The following ZNF233 variants were observed in gnomAD, a reference collection of about 807,000 sequenced individuals.
The protein encoded by ZNF233 is zinc finger protein 233.
ZNF233 carries 7 observed loss-of-function variants against 11.6 expected under a neutral mutation model. The ratio of observed to expected loss-of-function variants is 0.60; its 90% confidence interval spans 0.34 to 1.13. The LOEUF (loss-of-function observed/expected upper bound fraction) is 1.13, where lower values mean the gene tolerates loss of function less well. Ranked by LOEUF, ZNF233 falls within the 50% of genes most tolerant of loss-of-function variation. The pLI is 0.03. For missense variants in ZNF233, 711 were observed against 785.5 expected (o/e 0.91, Z 1.13); for synonymous variants, 226 against 268.5 (o/e 0.84, Z 1.55).
rs771789509 is a variant in ZNF233 at position 44,266,959 on chromosome 19, C to T, written c.236C>T (p.Ser79Leu). 1 of 1,612,196 alleles carries T rather than the reference C, an allele frequency of 6.2e-7. No individual in the cohort carries two copies. The highest frequency in any genetic ancestry group is 1.7e-5 in the Admixed American group (1 of 59,896). The change falls in exon 4 of 5, where the codon TCA becomes TTA. Residue 79 changes from serine (S) to leucine (L), a missense_variant and splice_region_variant. Coordinates refer to ENST00000683810, the MANE Select transcript of ZNF233 (RefSeq NM_001207005.2). ...ACAGAAATCCAAGGAGATGGGTGTT[C>T]AGGTGAGAACCATGGAGCTCTGAGT... ...METEIQGDGC[S>L]GHKNQNEIDT...
At chr19:44,263,020 G>A (rs566933828) in intron 1 of ZNF233, among the ~76,000 whole-genome samples, 1 of 152,230 alleles carries the variant, frequency 6.6e-6, no homozygotes, top group South Asian at 2.1e-4. Flanking sequence ...CCAGCTCTGT[G>A]ACCTTGGGCA....
intron 4 of ZNF233, 147 bp downstream of exon 4, chr19:44,267,108 A>C: frequency 1.8e-6 from 1 of 548,542 alleles, no homozygotes; most frequent in East Asian, 2.9e-5. Context: ...TCCTCCTTCT[A>C]CCTCCCTCCA....
At position 44,274,239 on chromosome 19, in the gene ZNF233, C is replaced by A; in HGVS notation, c.1579C>A (p.Gln527Lys). The A allele has an allele frequency of 6.2e-7, 1 of 1,609,786 alleles. No individual in the cohort carries two copies. Among genetic ancestry groups the A allele is most frequent in the Non-Finnish European group, 8.5e-7 (1 of 1,176,460 alleles). ...FSQISHLQAH[Q>K]RVHKGEKPYK... ...TCAGATCTCTCATCTTCAGGCCCATCAGAGAGTTCACAAAGGAGAGAAGCC... is the reference window on the plus strand; with the variant it reads ...TCAGATCTCTCATCTTCAGGCCCATAAGAGAGTTCACAAAGGAGAGAAGCC... Residue 527 changes from glutamine (Q) to lysine (K), a missense_variant, in exon 5 of 5, where the codon CAG becomes AAG. Physicochemically the swap from Gln to Lys is moderately conservative, Grantham distance 53 (BLOSUM62 1). Transcript: ENST00000683810.
intron 1 of ZNF233, 39 bp from the exon 2 acceptor site, chr19:44,264,275 C>T (rs773518637): frequency 7.3e-7 from 1 of 1,369,980 alleles, no homozygotes; most frequent in Non-Finnish European, 1.0e-6. Flanking sequence ...GCCATGTGGG[C>T]TAGGGCCTGT....
rs188050432 is a variant in ZNF233, at chr19:44,274,336, C to T, written c.1676C>T (p.Thr559Ile). 10 of 1,613,882 alleles carry T rather than the reference C, an allele frequency of 6.2e-6. No homozygotes were observed. In the Admixed American group the frequency reaches 1.7e-4, roughly 27 times the overall value. ...SHLQDHQQVH[T>I]GENPYKCDVC... ...CTCCAAGACCATCAGCAAGTCCATA[C>T]TGGAGAGAATCCCTACAAATGTGAT... is the stretch of plus-strand genomic sequence containing the variant. Residue 559 changes from threonine to isoleucine, a missense_variant, in exon 5 of 5, where the codon ACT becomes ATT. Transcript: ENST00000683810.
Position 44,274,674 on chromosome 19 carries a change from T to C in ZNF233, c.*1T>C, listed in dbSNP as rs745608564. ...TTCAGATTCATCAGAGAGTCCATGA[T>C]GGTGATGAATCTATTAATCATGATG... On this transcript the variant is annotated 3_prime_UTR_variant, in exon 5 of 5. Transcript: ENST00000683810. 5.1e-6 allele frequency: 8 copies of C among 1,582,648 alleles called. No homozygotes were observed. In the South Asian group the frequency reaches 9.3e-5, roughly 18 times the overall value.
Position 44,273,033 on chromosome 19 carries a change from A to C in ZNF233, c.373A>C (p.Asn125His), listed in dbSNP as rs1314295684. 6.2e-7 allele frequency: 1 copy of C among 1,614,136 alleles called. No individual in the cohort carries two copies. Among genetic ancestry groups the C allele is most frequent in the East Asian group, 2.2e-5 (1 of 44,866 alleles). The change falls in exon 5 of 5, where the codon AAT becomes CAT. Residue 125 changes from asparagine to histidine, a missense_variant. Physicochemically the swap from Asn to His is moderately conservative, Grantham distance 68. Transcript: ENST00000683810. Reference protein sequence around the residue: ...KLTSNQDLIINLQGKRSKLLK... With the variant: ...KLTSNQDLIIHLQGKRSKLLK... ...AACCAGTAATCAAGACCTAATAATAAATCTTCAAGGCAAGAGGTCCAAGTT... is the reference window on the plus strand; with the variant it reads ...AACCAGTAATCAAGACCTAATAATACATCTTCAAGGCAAGAGGTCCAAGTT...
rs1203633210 is a variant in ZNF233 at position 44,273,432 on chromosome 19, C to G, written c.772C>G (p.Gln258Glu). Reference protein sequence around the residue: ...SQHSIIQSGEQTSDENGKGLS... With the variant: ...SQHSIIQSGEETSDENGKGLS... Reference sequence around the variant, plus strand: ...GCATAGCATAATCCAATCAGGAGAGCAAACCTCTGATGAAAATGGAAAAGG... The same window carrying G: ...GCATAGCATAATCCAATCAGGAGAGGAAACCTCTGATGAAAATGGAAAAGG... Residue 258 changes from glutamine to glutamate, a missense_variant, in exon 5 of 5, where the codon CAA becomes GAA. Physicochemically the swap from Gln to Glu is conservative, Grantham distance 29 (BLOSUM62 2). Coordinates refer to ENST00000683810, the MANE Select transcript of ZNF233 (RefSeq NM_001207005.2). 8 of 1,614,066 alleles carry G rather than the reference C, an allele frequency of 5.0e-6. No homozygotes were observed. The highest frequency in any genetic ancestry group is 6.8e-6 in the Non-Finnish European group (8 of 1,180,038).
intron 1 of ZNF233, among the ~76,000 whole-genome samples, chr19:44,260,444 G>T (rs914117209): frequency 4.0e-5 from 6 of 151,256 alleles, no homozygotes; most frequent in African/African-American, 1.5e-4. Context: ...TGAGCTCCAG[G>T]TGCAGCGCTA....
rs1975358341 is a variant in ZNF233 at position 44,275,108 on chromosome 19, G to A, written c.*435G>A. 8 of 398,572 alleles carry A rather than the reference G, an allele frequency of 2.0e-5. No individual in the cohort carries two copies. The highest frequency in any genetic ancestry group is 1.4e-4 in the South Asian group (1 of 7,384). The allele number at this position is 398,572 out of a possible 1,614,324, so 24.7% of individuals were successfully genotyped here. A position where few individuals can be genotyped will look rare whatever the true frequency, so the allele number is the denominator to read the frequency against. Reference sequence around the variant, plus strand: ...GAACATTGTTTACTGCTGCATGATCGTGACCTTGAACAAGTACCTAAGAAA... The same window carrying A: ...GAACATTGTTTACTGCTGCATGATCATGACCTTGAACAAGTACCTAAGAAA... On this transcript the variant is annotated 3_prime_UTR_variant, in exon 5 of 5. Transcript: ENST00000683810.
rs540588585 is a variant in ZNF233, at chr19:44,263,491, T to C, written c.-47-823T>C. 4.5e-4 allele frequency among the ~76,000 whole-genome samples: 69 copies of C among 152,352 alleles called. 1 individual carries two copies. In the South Asian group the frequency reaches 8.9e-3, roughly 20 times the overall value. On this transcript the variant is annotated intron_variant, in intron 1 of 4. Transcript: ENST00000683810. ...AGTGAGACAGATACTGTCAAACTTT[T>C]GTTTAAAAAAAAGCTAGCAGAGACA...
rs766515930 is a variant in ZNF233 at position 44,273,347 on chromosome 19, AAGAG to A, written c.691_694del (p.Glu231LysfsTer13). 2 of 1,614,186 alleles carry A rather than the reference AAGAG, an allele frequency of 1.2e-6. No homozygotes were observed. Among genetic ancestry groups the A allele is most frequent in the South Asian group, 1.1e-5 (1 of 91,074 alleles). Reference sequence around the variant, plus strand: ...AACATGATGATCATGGAGTACACAAAAGAGAGAAAGCTTTTAGCCACAATAATTG... The same window carrying A: ...AACATGATGATCATGGAGTACACAAAAGAAAGCTTTTAGCCACAATAATTG... On this transcript the variant is annotated frameshift_variant, in exon 5 of 5. Coordinates refer to ENST00000683810, the MANE Select transcript of ZNF233 (RefSeq NM_001207005.2). LOFTEE classifies it low-confidence loss of function (END_TRUNC).
chr19:44,268,901 C>G (rs1975165537), intron 4 of ZNF233, among the ~76,000 whole-genome samples: 1 of 152,112 alleles, frequency 6.6e-6, no homozygotes, highest in Admixed American at 6.6e-5. Context: ...TTGATAGAAG[C>G]ACCAAAACGC....
intron 4 of ZNF233, among the ~76,000 whole-genome samples, chr19:44,269,484 T>G (rs1362189745): frequency 6.6e-6 from 1 of 152,024 alleles, no homozygotes; most frequent in Non-Finnish European, 1.5e-5. Flanking sequence ...TTAGTAGAGA[T>G]GGGGTTTCAC....
rs1411165639 is a variant in ZNF233, at chr19:44,264,464, A to T, written c.15+89A>T. 3.8e-6 allele frequency: 5 copies of T among 1,302,002 alleles called. No homozygotes were observed. In the East Asian group the frequency reaches 1.2e-4, roughly 33 times the overall value. 80.7% of individuals were successfully genotyped at this position (1,302,002 alleles called of 1,614,324 possible). A position where few individuals can be genotyped will look rare whatever the true frequency, so the allele number is the denominator to read the frequency against. ...TTTTTTTCTCTTCCTTGGGAAAGATAAAGGAGGAAAACAGGTATTTGGAAT... is the reference window on the plus strand; with the variant it reads ...TTTTTTTCTCTTCCTTGGGAAAGATTAAGGAGGAAAACAGGTATTTGGAAT... On this transcript the variant is annotated intron_variant, in intron 2 of 4. Transcript: ENST00000683810.
At position 44,274,715 on chromosome 19, in the gene ZNF233, C is replaced by A. The variant is rs761470775; in HGVS notation, c.*42C>A. 6.3e-6 allele frequency: 9 copies of A among 1,434,158 alleles called. No homozygotes were observed. The highest frequency in any genetic ancestry group is 3.7e-4 in the Middle Eastern group (2 of 5,386). 88.8% of individuals were successfully genotyped at this position (1,434,158 alleles called of 1,614,324 possible). The stretch of plus-strand genomic sequence containing the variant: ...AATCATGATGAGTGTGATAGGGGTG[C>A]TCTTCAAGACTTAGACTTCCCATTT... On this transcript the variant is annotated 3_prime_UTR_variant, in exon 5 of 5. Transcript: ENST00000683810.
At chr19:44,265,765 G>C (rs1975064940) in intron 2 of ZNF233, among the ~76,000 whole-genome samples, 3 of 152,156 alleles carry the variant, frequency 2.0e-5, no homozygotes, top group African/African-American at 7.2e-5. Context: ...ATTTGGGTTG[G>C]TTCCACATTT....
intron 4 of ZNF233, among the ~76,000 whole-genome samples, chr19:44,271,864 C>T (rs1975246629): frequency 6.6e-6 from 1 of 152,030 alleles, no homozygotes; most frequent in South Asian, 2.1e-4. Context: ...TAAAGTTTCT[C>T]CTCTACAACG....
At chr19:44,267,546 ATG>A in intron 4 of ZNF233, 3 of 350,194 alleles carry the variant, frequency 8.6e-6, no homozygotes, top group Non-Finnish European at 9.9e-6. Flanking sequence ...GTATATATAC[ATG>A]TTTTTTTTTT....
Sources: gnomAD v4.1 joint callset for allele counts (sites outside exome capture counted in the v4.1 genomes callset) on GRCh38, gnomAD v4.1.1 for gene constraint, MANE v1.5 for transcripts, NCBI Gene and HGNC (gene_info 2026-07-23, HGNC 2026-07-21) for gene names.